The following SORCS2 variants were observed in gnomAD, a reference collection of about 807,000 sequenced individuals.
SORCS2 encodes sortilin related VPS10 domain containing receptor 2.
A neutral mutation model predicts 141.6 loss-of-function variants in SORCS2; 100 were observed. The observed-to-expected ratio is 0.71, with a 90% CI of 0.60 to 0.83. The LOEUF is 0.83. Ranked by LOEUF, SORCS2 falls within the 40% of genes least tolerant of loss-of-function variation. The pLI is 0.00. For synonymous variants in SORCS2, 789 were observed against 676.9 expected, an observed-to-expected ratio of 1.17 and a Z score of -2.57; for missense variants, 1,646 against 1,560.2, an observed-to-expected ratio of 1.05 and a Z score of -0.93.
intron 9 of SORCS2, among the ~76,000 whole-genome samples, chr4:7,676,755 G>T (rs114474716): frequency 0.57 from 32,033 of 56,436 alleles, 7,124 homozygotes; most frequent in East Asian, 0.64. Context: ...CCCCCGCCCT[G>T]TCATCTCCTC....
chr4:7,366,307 G>A (rs755370494), intron 1 of SORCS2, among the ~76,000 whole-genome samples: 23 of 151,706 alleles, frequency 1.5e-4, no homozygotes, highest in Admixed American at 2.6e-4. Context: ...GACAGTAGTG[G>A]CTCCACCTGG....
intron 1 of SORCS2, among the ~76,000 whole-genome samples, chr4:7,335,619 G>A (rs942171236): frequency 6.6e-6 from 1 of 152,220 alleles, no homozygotes; most frequent in African/African-American, 2.4e-5. Flanking sequence ...TGGTTTTCCA[G>A]GGCTGTTCAC....
intron 11 of SORCS2, among the ~76,000 whole-genome samples, chr4:7,694,570 T>C (rs923921931): frequency 6.6e-6 from 1 of 152,208 alleles, no homozygotes; most frequent in East Asian, 1.9e-4. Context: ...GCGGCAACAC[T>C]CCCTGCCCGG....
chr4:7,390,494 C>T (rs897224653), intron 1 of SORCS2, among the ~76,000 whole-genome samples: 7 of 152,174 alleles, frequency 4.6e-5, no homozygotes, highest in South Asian at 2.1e-4. Context: ...GGGAACTGGG[C>T]GCTCATGCAG....
intron 2 of SORCS2, among the ~76,000 whole-genome samples, chr4:7,478,847 C>G (rs1474943072): frequency 3.9e-5 from 6 of 152,198 alleles, no homozygotes; most frequent in African/African-American, 1.4e-4. Flanking sequence ...CACAGCTGGG[C>G]ACCGAGGCCT....
intron 1 of SORCS2, among the ~76,000 whole-genome samples, chr4:7,378,684 G>T (rs3892589): frequency 0.023 from 3,479 of 152,178 alleles, 126 homozygotes; most frequent in African/African-American, 0.078. Context: ...ACCATAGCAG[G>T]TTCCTCCCCC....
rs778897096 is a variant in SORCS2, at chr4:7,493,344, C to T, written c.549-38186C>T. On this transcript the variant is annotated intron_variant, in intron 2 of 26. Transcript: ENST00000507866. Reference sequence around the variant, plus strand: ...GATGGGTTGGCGAATCCCATGTGGTCTCTTGCCAGATTTTCCCTCTGATTC... The same window carrying T: ...GATGGGTTGGCGAATCCCATGTGGTTTCTTGCCAGATTTTCCCTCTGATTC... Among the ~76,000 whole-genome samples, 21 of 152,222 alleles carry T rather than the reference C, an allele frequency of 1.4e-4. 1 individual carries two copies. The highest frequency in any genetic ancestry group is 8.8e-5 in the Non-Finnish European group (6 of 68,048).
intron 3 of SORCS2, among the ~76,000 whole-genome samples, chr4:7,559,336 T>C (rs1397061705): frequency 1.3e-5 from 2 of 152,152 alleles, no homozygotes; most frequent in Non-Finnish European, 2.9e-5. Flanking sequence ...TCTGTGAAGC[T>C]GGATTGAAGC....
At position 7,714,371 on chromosome 4, in the gene SORCS2, G is replaced by T. The variant is rs1402661211; in HGVS notation, c.2121G>T (p.Leu707=). 1 of 1,551,998 alleles carries T rather than the reference G, an allele frequency of 6.4e-7. No individual in the cohort carries two copies. Among genetic ancestry groups the T allele is most frequent in the African/African-American group, 1.4e-5 (1 of 73,246 alleles). The change falls in exon 16 of 27, where the codon CTG becomes CTT. Residue 707 remains leucine, a splice_region_variant and synonymous_variant. Coordinates refer to ENST00000507866, the MANE Select transcript of SORCS2 (RefSeq NM_020777.3). ...RVCECRDSDF[L]CDYGFERSSS... ...GCGAGTGCCGGGACTCGGACTTCCT[G>T]TGGTGAGCGACGGGCTCCTGGCCAC...
At chr4:7,682,084 T>C (rs1723558669) in intron 9 of SORCS2, among the ~76,000 whole-genome samples, 2 of 152,326 alleles carry the variant, frequency 1.3e-5, no homozygotes, top group African/African-American at 4.8e-5. Flanking sequence ...TTGCTGATAG[T>C]TGCACGTTTC....
At chr4:7,503,833 T>C (rs1380592040) in intron 2 of SORCS2, among the ~76,000 whole-genome samples, 3 of 152,190 alleles carry the variant, frequency 2.0e-5, no homozygotes, top group African/African-American at 7.2e-5. Context: ...ATCTTTCTCG[T>C]TGCAAACTTC....
intron 1 of SORCS2, among the ~76,000 whole-genome samples, chr4:7,304,675 A>G (rs1306155924): frequency 6.6e-6 from 1 of 152,158 alleles, no homozygotes; most frequent in Non-Finnish European, 1.5e-5. Flanking sequence ...GAAGCCGTGG[A>G]GGCGAACAGG....
chr4:7,568,643 C>T (rs755695135), intron 3 of SORCS2, among the ~76,000 whole-genome samples: 9 of 152,160 alleles, frequency 5.9e-5, no homozygotes, highest in Non-Finnish European at 1.0e-4. Flanking sequence ...AACAACCTGA[C>T]TGGTAATTGG....
At chr4:7,660,101 G>C (rs1455374412) in intron 5 of SORCS2, among the ~76,000 whole-genome samples, 2 of 152,198 alleles carry the variant, frequency 1.3e-5, no homozygotes, top group Non-Finnish European at 1.5e-5. Context: ...CTGAGCACCT[G>C]CCACCAAATG....
chr4:7,436,407 G>A (rs1727302464), intron 2 of SORCS2, among the ~76,000 whole-genome samples: 1 of 152,250 alleles, frequency 6.6e-6, no homozygotes, highest in Admixed American at 6.5e-5. Flanking sequence ...GAAGCAAACA[G>A]AAGGGCCTGC....
At chr4:7,608,905 G>A (rs545891358) in intron 3 of SORCS2, among the ~76,000 whole-genome samples, 23 of 152,220 alleles carry the variant, frequency 1.5e-4, no homozygotes, top group African/African-American at 5.5e-4. Flanking sequence ...CCGCTCATAT[G>A]TGAACACACC....
chr4:7,318,692 C>G (rs1560188795), intron 1 of SORCS2, among the ~76,000 whole-genome samples: 1 of 152,236 alleles, frequency 6.6e-6, no homozygotes, highest in East Asian at 1.9e-4. Flanking sequence ...CACACAGCCC[C>G]TTATCCACAG....
At chr4:7,467,871 C>T (rs1279654239) in intron 2 of SORCS2, among the ~76,000 whole-genome samples, 1 of 152,254 alleles carries the variant, frequency 6.6e-6, no homozygotes, top group Non-Finnish European at 1.5e-5. Context: ...ATTTGTTCTG[C>T]TGGTGTGTCC....
chr4:7,196,909 C>A (rs1430486687), intron 1 of SORCS2, among the ~76,000 whole-genome samples: 1 of 152,188 alleles, frequency 6.6e-6, no homozygotes, highest in African/African-American at 2.4e-5. Flanking sequence ...CTACCCATGG[C>A]CTCTCCCCAA....
Sources: allele counts gnomAD v4.1 joint callset (sites outside exome capture counted in the v4.1 genomes callset), GRCh38; gene constraint gnomAD v4.1.1; transcripts MANE v1.5; gene names NCBI Gene and HGNC (gene_info 2026-07-23, HGNC 2026-07-21).